The following RGS6 variants were observed in gnomAD, a reference collection of about 807,000 sequenced individuals.
RGS6 encodes regulator of G protein signaling 6.
A neutral mutation model predicts 78.5 loss-of-function variants in RGS6; 30 were observed. The observed-to-expected ratio is 0.38, with a 90% CI of 0.29 to 0.52. The LOEUF (loss-of-function observed/expected upper bound fraction) is 0.52. Among genes scored for constraint, RGS6 ranks in the 20% least tolerant of loss-of-function variants. The pLI is 0.85. For synonymous variants in RGS6, 206 were observed against 206.0 expected (o/e 1.00, Z 0.00); for missense variants, 495 against 609.7 (o/e 0.81, Z 1.98).
chr14:72,247,645 A>G (rs894092808), intron 2 of RGS6, among the ~76,000 whole-genome samples: 15 of 152,230 alleles, frequency 9.9e-5, no homozygotes, highest in Non-Finnish European at 1.9e-4. Flanking sequence ...TTCCAATGCA[A>G]TAGCATTGGG....
At chr14:72,576,244 A>G in the RGS6 span, among the ~76,000 whole-genome samples, 2 of 152,194 alleles carry the variant, frequency 1.3e-5, no homozygotes, top group Non-Finnish European at 2.9e-5. Flanking sequence ...CAGTTTAGAC[A>G]TGTCTCTGTT....
chr14:72,168,031 G>C (rs2096953364), intron 2 of RGS6, among the ~76,000 whole-genome samples: 1 of 152,162 alleles, frequency 6.6e-6, no homozygotes, highest in African/African-American at 2.4e-5. Context: ...GGGGATCCCA[G>C]CAGTCACTAT....
intron 2 of RGS6, among the ~76,000 whole-genome samples, chr14:72,274,644 G>A (rs1322001695): frequency 3.3e-5 from 5 of 152,186 alleles, no homozygotes; most frequent in African/African-American, 1.2e-4. Context: ...TATCTGGGTG[G>A]ACTCAAAGTA....
At chr14:71,956,576 A>G (rs186982686) in intron 1 of RGS6, among the ~76,000 whole-genome samples, 1 of 152,198 alleles carries the variant, frequency 6.6e-6, no homozygotes, top group East Asian at 1.9e-4. Context: ...AGAAAGATGT[A>G]GGCTGGGAGG....
At chr14:71,982,155 T>C (rs1595633297) in intron 2 of RGS6, among the ~76,000 whole-genome samples, 2 of 152,140 alleles carry the variant, frequency 1.3e-5, no homozygotes, top group African/African-American at 4.8e-5. Flanking sequence ...TGGCGCATGG[T>C]GCGTGCACCC....
chr14:72,112,964 C>T (rs1235259317), intron 2 of RGS6, among the ~76,000 whole-genome samples: 3 of 152,196 alleles, frequency 2.0e-5, no homozygotes, highest in Admixed American at 6.5e-5. Flanking sequence ...GAAAACAGTT[C>T]TCTTATGGGT....
chr14:71,948,894 T>G (rs1166668441), intron 1 of RGS6, among the ~76,000 whole-genome samples: 1 of 152,096 alleles, frequency 6.6e-6, no homozygotes, highest in Non-Finnish European at 1.5e-5. Flanking sequence ...TTCTCTTTTT[T>G]GAAACAAATG....
chr14:72,321,805 G>A (rs1191125703), intron 2 of RGS6, among the ~76,000 whole-genome samples: 1 of 151,862 alleles, frequency 6.6e-6, no homozygotes, highest in Non-Finnish European at 1.5e-5. Flanking sequence ...AATAACATAA[G>A]TAAGTAGTAA....
Position 72,562,059 on chromosome 14 carries a change from C to T in RGS6, c.1423-358C>T, listed in dbSNP as rs1314438928. 2.6e-5 allele frequency among the ~76,000 whole-genome samples: 4 copies of T among 152,228 alleles called. No individual in the cohort carries two copies. In the East Asian group the frequency reaches 5.8e-4, roughly 22 times the overall value. ...CCCAAGTCCACCTTTTCCTCCCCCA[C>T]GTGAACAAAATCAATTTCAGGGCAG... On this transcript the variant is annotated intron_variant, in intron 17 of 17. Transcript: ENST00000553525.
At chr14:72,568,015 T>C (rs2097715855), downstream of RGS6, among the ~76,000 whole-genome samples, 1 of 152,174 alleles carries the variant, frequency 6.6e-6, no homozygotes, top group Non-Finnish European at 1.5e-5. Context: ...TGGCTTATTT[T>C]AAAGGGGCCT....
At chr14:71,905,270 A>C in the RGS6 span, among the ~76,000 whole-genome samples, 1 of 152,248 alleles carries the variant, frequency 6.6e-6, no homozygotes. Flanking sequence ...TTAGCTGGAA[A>C]AAATTTCCCA....
chr14:72,569,094 C>T (rs978535621), downstream of RGS6, among the ~76,000 whole-genome samples: 1 of 148,288 alleles, frequency 6.7e-6, no homozygotes, highest in African/African-American at 2.6e-5. Context: ...CAGGGAGGAA[C>T]CTGTGAGATT....
intron 2 of RGS6, among the ~76,000 whole-genome samples, chr14:72,208,853 C>T (rs2043326268): frequency 6.6e-6 from 1 of 152,168 alleles, no homozygotes. Flanking sequence ...AGCATAATTG[C>T]TTTCTCCCTT....
intron 2 of RGS6, among the ~76,000 whole-genome samples, chr14:72,076,239 T>A (rs757754318): frequency 1.3e-5 from 2 of 152,218 alleles, no homozygotes; most frequent in Non-Finnish European, 2.9e-5. Context: ...GAGAAAATAT[T>A]CTATAGCTGT....
chr14:71,922,850 A>AAAAACAAAAACAAAACAAAAC, the RGS6 span, among the ~76,000 whole-genome samples: 23 of 136,196 alleles, frequency 1.7e-4, no homozygotes, highest in African/African-American at 5.9e-4. Flanking sequence ...TGGGAAGACA[A>AAAAACAAAAACAAAACAAAAC]AAAACAAAAA....
At chr14:72,197,955 C>T (rs2040582441) in intron 2 of RGS6, among the ~76,000 whole-genome samples, 5 of 151,976 alleles carry the variant, frequency 3.3e-5, no homozygotes, top group Middle Eastern at 6.8e-3. Flanking sequence ...TTATATTTTT[C>T]ATATTATATA....
At chr14:72,043,669 C>A (rs1466412831) in intron 2 of RGS6, among the ~76,000 whole-genome samples, 1 of 152,154 alleles carries the variant, frequency 6.6e-6, no homozygotes, top group Non-Finnish European at 1.5e-5. Context: ...TTGACTTTGG[C>A]TTTCAGCAGT....
At chr14:72,476,300 C>A (rs548642379) in intron 10 of RGS6, among the ~76,000 whole-genome samples, 1 of 152,332 alleles carries the variant, frequency 6.6e-6, no homozygotes, top group East Asian at 1.9e-4. Context: ...TGTGCATACT[C>A]TTTGGCAGTG....
the RGS6 span, among the ~76,000 whole-genome samples, chr14:71,904,386 T>TC: frequency 3.3e-5 from 5 of 152,348 alleles, no homozygotes; most frequent in Admixed American, 3.3e-4. Context: ...CTGGCTTTTT[T>TC]CTTCCCCCTA....
Sources: allele counts gnomAD v4.1 joint callset (sites outside exome capture counted in the v4.1 genomes callset), GRCh38; gene constraint gnomAD v4.1.1; transcripts MANE v1.5; gene names NCBI Gene and HGNC (gene_info 2026-07-23, HGNC 2026-07-21).